Variants in SRPK2 observed in about 807,000 individuals in gnomAD.
The protein encoded by SRPK2 is SFRS protein kinase 2.
Under a neutral mutation model 90.8 loss-of-function variants are expected in SRPK2, and 21 were observed. The ratio of observed to expected loss-of-function variants is 0.23; its 90% confidence interval spans 0.16 to 0.33. The LOEUF is 0.33. Among genes scored for constraint, SRPK2 ranks in the 10% least tolerant of loss-of-function variants. The pLI is 1.00. For missense variants in SRPK2, 620 were observed against 869.0 expected, an observed-to-expected ratio of 0.71 and a Z score of 3.60; for synonymous variants, 288 against 311.1, an observed-to-expected ratio of 0.93 and a Z score of 0.78.
chr7:105,143,518 C>T (rs966837566), intron 9 of SRPK2, 188 bp from the exon 10 acceptor site: 2 of 703,556 alleles, frequency 2.8e-6, no homozygotes, highest in African/African-American at 3.6e-5. Flanking sequence ...GCAGTGCTGA[C>T]TGATATCACG....
intron 2 of SRPK2, among the ~76,000 whole-genome samples, chr7:105,248,702 A>T (rs1802060977): frequency 6.6e-6 from 1 of 152,168 alleles, no homozygotes. Flanking sequence ...GCACTTTAGG[A>T]GGCCCGAGGC....
chr7:105,372,494 A>G (rs1163181913), intron 2 of SRPK2, among the ~76,000 whole-genome samples: 1 of 152,202 alleles, frequency 6.6e-6, no homozygotes, highest in East Asian at 1.9e-4. Context: ...GCATAATACA[A>G]ACTATGAAAG....
chr7:105,266,194 G>A (rs772055957), intron 2 of SRPK2, among the ~76,000 whole-genome samples: 2 of 151,904 alleles, frequency 1.3e-5, no homozygotes, highest in Admixed American at 6.6e-5. Context: ...ACTTCAAATC[G>A]TATGTATATT....
At chr7:105,302,979 CAGG>C (rs1026940416) in intron 2 of SRPK2, among the ~76,000 whole-genome samples, 10 of 151,752 alleles carry the variant, frequency 6.6e-5, no homozygotes, top group Non-Finnish European at 1.5e-5. Flanking sequence ...GAGGCTGAGG[CAGG>C]AGAATGGCAT....
chr7:105,346,011 A>G (rs1324572420), intron 2 of SRPK2, among the ~76,000 whole-genome samples: 1 of 152,076 alleles, frequency 6.6e-6, no homozygotes. Flanking sequence ...CTGACTAGAC[A>G]TTAAGATGAA....
At position 105,171,884 on chromosome 7, in the gene SRPK2, G is replaced by GTTATTTAT. The variant is rs377065934; in HGVS notation, c.230-2627_230-2620dup. On this transcript the variant is annotated intron_variant, in intron 3 of 15. Transcript: ENST00000393651. ...AAATGAGCTCTGAGTTTATAATACAGTTATTTATTTATTTATTTATTTATA... is the reference window on the plus strand; with the variant it reads ...AAATGAGCTCTGAGTTTATAATACAGTTATTTATTTATTTATTTATTTATTTATTTATA... Among the ~76,000 whole-genome samples, 15 of 152,084 alleles carry GTTATTTAT rather than the reference G, an allele frequency of 9.9e-5. No homozygotes were observed. The South Asian group carries it at 1.3e-3, about 13-fold the overall frequency.
chr7:105,176,626 T>TATATAC (rs2129594138), intron 3 of SRPK2, among the ~76,000 whole-genome samples: 1 of 150,076 alleles, frequency 6.7e-6, no homozygotes, highest in Admixed American at 6.7e-5. Context: ...TGTGTGTATA[T>TATATAC]ATATATATGC....
chr7:105,287,088 C>T (rs1585540834), intron 2 of SRPK2, among the ~76,000 whole-genome samples: 1 of 150,766 alleles, frequency 6.6e-6, no homozygotes, highest in East Asian at 2.0e-4. Flanking sequence ...GGTGAAACCC[C>T]GTCTCTACTA....
chr7:105,397,572 C>T (rs1384542336), intron 1 of SRPK2, among the ~76,000 whole-genome samples: 2 of 152,046 alleles, frequency 1.3e-5, no homozygotes, highest in East Asian at 1.9e-4. Context: ...TTGTTATCCA[C>T]CTGCCTCAGC....
At chr7:105,352,901 A>T (rs1196544897) in intron 2 of SRPK2, among the ~76,000 whole-genome samples, 2 of 152,022 alleles carry the variant, frequency 1.3e-5, no homozygotes, top group Non-Finnish European at 2.9e-5. Flanking sequence ...CTCTATCTCA[A>T]AAGAAAAAAA....
At chr7:105,260,247 G>C (rs1367675080) in intron 2 of SRPK2, among the ~76,000 whole-genome samples, 2 of 152,178 alleles carry the variant, frequency 1.3e-5, no homozygotes, top group Admixed American at 1.3e-4. Context: ...CTTCTCAAAA[G>C]AAGACATTTA....
chr7:105,133,291 G>A (rs1247424341), intron 11 of SRPK2, among the ~76,000 whole-genome samples, 187 bp from the exon 12 acceptor site: 1 of 152,154 alleles, frequency 6.6e-6, no homozygotes, highest in African/African-American at 2.4e-5. Context: ...AAATACTCCA[G>A]AAAAGAGCAA....
At chr7:105,282,895 TAAAA>T (rs34535552) in intron 2 of SRPK2, among the ~76,000 whole-genome samples, 2 of 148,778 alleles carry the variant, frequency 1.3e-5, no homozygotes, top group Non-Finnish European at 3.0e-5. Context: ...ACGTAACTGA[TAAAA>T]AAAAAAACTA....
chr7:105,294,596 A>G (rs1477742966), intron 2 of SRPK2, among the ~76,000 whole-genome samples: 1 of 152,084 alleles, frequency 6.6e-6, no homozygotes, highest in African/African-American at 2.4e-5. Flanking sequence ...GCACAATCTC[A>G]GCTCATTGCA....
chr7:105,319,422 GCTTA>G (rs1322306386), intron 2 of SRPK2, among the ~76,000 whole-genome samples: 2 of 136,264 alleles, frequency 1.5e-5, no homozygotes, highest in Non-Finnish European at 3.0e-5. Context: ...ATTCTTGAAA[GCTTA>G]CTTAAGAAAC....
At chr7:105,290,805 G>A (rs529199054) in intron 2 of SRPK2, among the ~76,000 whole-genome samples, 3 of 151,774 alleles carry the variant, frequency 2.0e-5, no homozygotes, top group South Asian at 2.1e-4. Context: ...TTGGGAGGCC[G>A]AGGCGGGTGG....
chr7:105,247,983 T>C (rs1179366366), intron 2 of SRPK2, among the ~76,000 whole-genome samples: 2 of 151,522 alleles, frequency 1.3e-5, no homozygotes, highest in South Asian at 2.1e-4. Context: ...GCCTCTCGAG[T>C]AGCTGGGATT....
At chr7:105,374,037 C>T (rs1820008001) in intron 2 of SRPK2, among the ~76,000 whole-genome samples, 1 of 152,208 alleles carries the variant, frequency 6.6e-6, no homozygotes, top group African/African-American at 2.4e-5. Context: ...AATTGATTCT[C>T]CTGTCTCAGC....
At chr7:105,167,554 A>G (rs1790234280) in intron 5 of SRPK2, 90 bp from the exon 6 acceptor site, 2 of 642,666 alleles carry the variant, frequency 3.1e-6, no homozygotes, top group Non-Finnish European at 5.1e-6. Context: ...AAATAAAAGT[A>G]TATTTTAAAA....
Sources: allele counts gnomAD v4.1 joint callset (sites outside exome capture counted in the v4.1 genomes callset), GRCh38; gene constraint gnomAD v4.1.1; transcripts MANE v1.5; gene names NCBI Gene and HGNC (gene_info 2026-07-23, HGNC 2026-07-21).